The following PTPRU variants were observed in gnomAD, a reference collection of about 807,000 sequenced individuals.
PTPRU encodes the protein receptor-type tyrosine-protein phosphatase U.
PTPRU carries 69 observed loss-of-function variants against 166.3 expected under a neutral mutation model. The ratio of observed to expected loss-of-function variants is 0.41; its 90% CI spans 0.34 to 0.51. The LOEUF is 0.51. Among genes scored for constraint, PTPRU ranks in the 20% least tolerant of loss-of-function variants. The pLI, the probability that PTPRU is intolerant of heterozygous loss-of-function variation, is 0.09. For missense variants in PTPRU, 1,657 were observed against 2,013.7 expected, an observed-to-expected ratio of 0.82 and a Z score of 3.39; for synonymous variants, 793 against 814.0, an observed-to-expected ratio of 0.97 and a Z score of 0.44.
At chr1:29,303,370 G>A (rs72651217) in intron 15 of PTPRU, among the ~76,000 whole-genome samples, 5,728 of 152,330 alleles carry the variant, frequency 0.038, 127 homozygotes, top group South Asian at 0.075. Flanking sequence ...GGAGAAAGGC[G>A]CCTATTCGGG....
Position 29,304,803 on chromosome 1 carries a change from G to T in PTPRU, c.2697G>T (p.Lys899Asn), listed in dbSNP as rs768683126. Residue 899 changes from lysine to asparagine, a missense_variant, in exon 17 of 30, where the codon AAG (lysine) becomes AAT (asparagine). By Grantham distance (94) the Lys-to-Asn change is moderately conservative (BLOSUM62 0). Around this residue, in one of 3 missense-constraint regions of PTPRU, gnomAD observed 1,190 missense variants for 1,477.4 expected, o/e 0.81. Coordinates refer to ENST00000373779, the MANE Select transcript of PTPRU (RefSeq NM_133178.4). ...ESFFEGWDAT[K>N]KKDKVKGSRQ... ...TCTTTGAAGGCTGGGACGCCACAAA[G>T]AAGAAAGACAAGGTCAAGGGCAGCC... 2 of 1,612,622 alleles carry T rather than the reference G, an allele frequency of 1.2e-6. No individual in the cohort carries two copies. Among genetic ancestry groups the T allele is most frequent in the Non-Finnish European group, 8.5e-7 (1 of 1,178,862 alleles).
chr1:29,306,997 C>T (rs541785425), intron 18 of PTPRU: 700 of 980,056 alleles, frequency 7.1e-4, no homozygotes, highest in Non-Finnish European at 9.8e-4. Flanking sequence ...GCCCGGCCTG[C>T]CCGTCTCCGC....
In PTPRU at chr1:29,320,795, C is replaced by T; in HGVS notation, c.3798C>T (p.Leu1266=). ...ACGGGTGCACCTCCATCGTCATGCT[C>T]AACCAGCTGAACCAGTCCAACTCCG... ...YDYGCTSIVM[L]NQLNQSNSAW... is the part of the protein sequence containing the mutation. The change falls in exon 26 of 30, where the codon CTC becomes CTT. Residue 1266 remains leucine, a synonymous_variant. Transcript: ENST00000373779. The surrounding 1 kb of genome is among the most constrained non-coding windows in gnomAD (Gnocchi z 5.2). 6.2e-7 allele frequency: 1 copy of T among 1,601,134 alleles called. No homozygotes were observed.
At position 29,325,290 on chromosome 1, in the gene PTPRU, C is replaced by T. The variant is rs747537252; in HGVS notation, c.4212C>T (p.Thr1404=). The T allele has an allele frequency of 6.2e-7, 1 of 1,614,162 alleles. No homozygotes were observed. The highest frequency in any genetic ancestry group is 1.7e-5 in the Admixed American group (1 of 60,030). The change falls in exon 29 of 30, where the codon ACC becomes ACT. Residue 1404 remains threonine, a synonymous_variant. Coordinates refer to ENST00000373779, the MANE Select transcript of PTPRU (RefSeq NM_133178.4). ...NLVDVFFAAK[T]LRNYKPNMVE... ...TGGACGTTTTCTTTGCTGCCAAAAC[C>T]CTCCGGAACTACAAACCCAACATGG...
rs1687669475 is a variant in PTPRU at position 29,311,699 on chromosome 1, T to C, written c.3012T>C (p.Ile1004=). 6.2e-7 allele frequency: 1 copy of C among 1,614,042 alleles called. No individual in the cohort carries two copies. Among genetic ancestry groups the C allele is most frequent in the Non-Finnish European group, 8.5e-7 (1 of 1,180,030 alleles). Reference sequence around the variant, plus strand: ...CAGACACCTACGGGGACATCAAGATTATGCTGGTGAAGACAGAGACCCTGG... The same window carrying C: ...CAGACACCTACGGGGACATCAAGATCATGCTGGTGAAGACAGAGACCCTGG... The part of the protein sequence containing the change: ...EDSDTYGDIK[I]MLVKTETLAE... The change falls in exon 21 of 30, where the codon ATT becomes ATC. Residue 1004 remains isoleucine (I), a synonymous_variant. Coordinates refer to ENST00000373779, the MANE Select transcript of PTPRU (RefSeq NM_133178.4). The surrounding 1 kb of genome is among the most constrained non-coding windows in gnomAD (Gnocchi z 4.1).
chr1:29,244,505 A>G (rs1006628440), intron 1 of PTPRU, among the ~76,000 whole-genome samples: 1 of 152,092 alleles, frequency 6.6e-6, no homozygotes, highest in African/African-American at 2.4e-5. Context: ...CTCAGCTGAG[A>G]GTGGGAAATA....
At position 29,275,761 on chromosome 1, in the gene PTPRU, GA is replaced by G. The variant is rs747711334; in HGVS notation, c.1453+6del. The G allele has an allele frequency of 3.1e-6, 5 of 1,612,658 alleles. No homozygotes were observed. The Admixed American group carries it at 8.3e-5, about 27-fold the overall frequency. On this transcript the variant is annotated splice_donor_region_variant and intron_variant, in intron 8 of 29. Coordinates refer to ENST00000373779, the MANE Select transcript of PTPRU (RefSeq NM_133178.4). ...CTTTCCAGACGGATGAGGATGGTAAGAGTCTCAGTCCCAATTCCCGGGGCCC... is the reference window on the plus strand; with the variant it reads ...CTTTCCAGACGGATGAGGATGGTAAGGTCTCAGTCCCAATTCCCGGGGCCC...
At chr1:29,247,750 TATTG>T (rs1684365212) in intron 1 of PTPRU, among the ~76,000 whole-genome samples, 1 of 152,170 alleles carries the variant, frequency 6.6e-6, no homozygotes, top group Non-Finnish European at 1.5e-5. Flanking sequence ...TTGCAGCACA[TATTG>T]ATCAGGGAGA....
chr1:29,281,122 G>C (rs545628669), intron 11 of PTPRU, among the ~76,000 whole-genome samples: 2 of 152,194 alleles, frequency 1.3e-5, no homozygotes, highest in South Asian at 4.2e-4. Context: ...TTAGGTGGGG[G>C]GGGTGTGAGG....
In PTPRU at chr1:29,311,221, A is replaced by G. The variant is rs1234341631; in HGVS notation, c.2858-235A>G. ...TTGCCCAACCATCTGGTCCTCCTCC[A>G]GGGTCCCATTCAGGATGAGCGGGCT... On this transcript the variant is annotated intron_variant, in intron 19 of 29. Coordinates refer to ENST00000373779, the MANE Select transcript of PTPRU (RefSeq NM_133178.4). The surrounding 1 kb of genome is among the most constrained non-coding windows in gnomAD (Gnocchi z 4.1). 5.1e-6 allele frequency: 3 copies of G among 592,946 alleles called. No homozygotes were observed. The highest frequency in any genetic ancestry group is 3.7e-5 in the African/African-American group (2 of 53,668). The allele number at this position is 592,946 out of a possible 1,614,324, so 36.7% of individuals were successfully genotyped here.
rs1683809672 is a variant in PTPRU at position 29,237,221 on chromosome 1, CGCGTGTGTG to C, written c.73+514_73+522del. Among the ~76,000 whole-genome samples the C allele has an allele frequency of 6.7e-6, 1 of 149,878 alleles. No individual in the cohort carries two copies. The highest frequency in any genetic ancestry group is 2.1e-4 in the South Asian group (1 of 4,698). ...TCCCGCCTGAGTGTGGATCCGGGAA[CGCGTGTGTG>C]GCGTGTGTGCTTTTGAGATCCGTGT... is the stretch of plus-strand genomic sequence containing the variant. On this transcript the variant is annotated intron_variant, in intron 1 of 29. Coordinates refer to ENST00000373779, the MANE Select transcript of PTPRU (RefSeq NM_133178.4). The surrounding 1 kb of genome is among the most constrained non-coding windows in gnomAD (Gnocchi z 6.4).
chr1:29,252,046 C>G (rs764218209), intron 1 of PTPRU, among the ~76,000 whole-genome samples: 2 of 152,190 alleles, frequency 1.3e-5, no homozygotes, highest in African/African-American at 4.8e-5. Flanking sequence ...CCACCTCCTA[C>G]AGGCAATAGG....
Position 29,260,130 on chromosome 1 carries a change from G to GCTCT in PTPRU, c.850+86_850+87insCTCT. On this transcript the variant is annotated intron_variant, in intron 6 of 29. Transcript: ENST00000373779. This position sits in a 1 kb window ranked among gnomAD's most constrained non-coding sequence, Gnocchi z 8.3. The stretch of plus-strand genomic sequence containing the variant: ...GGGGGCGGGCTCTGCCCGGGGGCGT[G>GCTCT]GCCGTGGGGGGTGGGGCCGGCAGGG... 8.7e-6 allele frequency: 11 copies of GCTCT among 1,268,072 alleles called. No individual in the cohort carries two copies. Among genetic ancestry groups the GCTCT allele is most frequent in the African/African-American group, 7.9e-5 (5 of 62,962 alleles). 78.6% of individuals were successfully genotyped at this position (1,268,072 alleles called of 1,614,324 possible).
rs1469060417 is a variant in PTPRU at position 29,257,872 on chromosome 1, C to T, written c.206-633C>T. On this transcript the variant is annotated intron_variant, in intron 2 of 29. Transcript: ENST00000373779. This position sits in a 1 kb window ranked among gnomAD's most constrained non-coding sequence, Gnocchi z 4.6. ...GCTCTTGACTCCAGGGATGAATGACCTAGTCCCTGTCTCCAGGGATAGCTC... is the reference window on the plus strand; with the variant it reads ...GCTCTTGACTCCAGGGATGAATGACTTAGTCCCTGTCTCCAGGGATAGCTC... Among the ~76,000 whole-genome samples, 1 of 152,110 alleles carries T rather than the reference C, an allele frequency of 6.6e-6. No homozygotes were observed. The highest frequency in any genetic ancestry group is 2.4e-5 in the African/African-American group (1 of 41,404).
Position 29,275,519 on chromosome 1 carries a change from C to T in PTPRU, c.1216C>T (p.Pro406Ser), listed in dbSNP as rs753860935. ...QARQLTLQWE[P>S]LGYNVTRCHT... ...CCGTCAGCTGACCCTGCAGTGGGAA[C>T]CACTGGGCTACAACGTGACGCGTTG... Residue 406 changes from proline to serine, a missense_variant, in exon 8 of 30, where the codon CCA (proline) becomes TCA (serine). Around this residue, in one of 3 missense-constraint regions of PTPRU, gnomAD observed 1,190 missense variants for 1,477.4 expected, o/e 0.81. Transcript: ENST00000373779. 110 of 1,614,070 alleles carry T rather than the reference C, an allele frequency of 6.8e-5. No homozygotes were observed. The highest frequency in any genetic ancestry group is 8.7e-5 in the Non-Finnish European group (103 of 1,180,022).
intron 7 of PTPRU, among the ~76,000 whole-genome samples, chr1:29,267,696 C>G (rs1685365141): frequency 6.6e-6 from 1 of 152,110 alleles, no homozygotes; most frequent in Admixed American, 6.5e-5. Context: ...AGATGTGGGA[C>G]TTAGAGCCGT....
chr1:29,288,326 A>G (rs1229501423), intron 14 of PTPRU, among the ~76,000 whole-genome samples: 3 of 152,208 alleles, frequency 2.0e-5, no homozygotes, highest in Admixed American at 1.3e-4. Context: ...GCATGAAATT[A>G]GAAAAAGCAC....
chr1:29,309,403 G>T (rs991478588), intron 18 of PTPRU, among the ~76,000 whole-genome samples: 2 of 152,186 alleles, frequency 1.3e-5, no homozygotes, highest in African/African-American at 4.8e-5. Context: ...CATAGCTGTG[G>T]CAGGGACCCA....
Position 29,260,247 on chromosome 1 carries a change from A to G in PTPRU, c.850+203A>G. Reference sequence around the variant, plus strand: ...GATCTAGGGGTCGGGGCTGGCTTCGAGGGGGACGGACAGGGTCAAGGTGAG... The same window carrying G: ...GATCTAGGGGTCGGGGCTGGCTTCGGGGGGGACGGACAGGGTCAAGGTGAG... On this transcript the variant is annotated intron_variant, in intron 6 of 29. Transcript: ENST00000373779. This position sits in a 1 kb window ranked among gnomAD's most constrained non-coding sequence, Gnocchi z 8.3. The G allele has an allele frequency of 1.8e-6, 1 of 564,378 alleles. No individual in the cohort carries two copies. Among genetic ancestry groups the G allele is most frequent in the Non-Finnish European group, 2.8e-6 (1 of 360,062 alleles). 35.0% of individuals were successfully genotyped at this position (564,378 alleles called of 1,614,324 possible).
Sources: gnomAD v4.1 joint callset for allele counts (sites outside exome capture counted in the v4.1 genomes callset) on GRCh38, gnomAD v4.1.1 for gene constraint, gnomAD v4.1.1 regional missense constraint, Gnocchi (gnomAD v3.1) non-coding constraint, MANE v1.5 for transcripts, NCBI Gene and HGNC (gene_info 2026-07-23, HGNC 2026-07-21) for gene names.